Variants in ATP6V1A observed in about 807,000 individuals in gnomAD.
The protein encoded by ATP6V1A is ATPase H+ transporting V1 subunit A.
ATP6V1A carries 18 observed loss-of-function variants against 70.1 expected under a neutral mutation model. That is an observed-to-expected ratio of 0.26 (90% confidence interval 0.18 to 0.38). The LOEUF (loss-of-function observed/expected upper bound fraction) is 0.38. Among genes scored for constraint, ATP6V1A ranks in the 10% least tolerant of loss-of-function variants. The pLI is 1.00. For synonymous variants in ATP6V1A, 232 were observed against 253.8 expected (o/e 0.91, Z 0.82); for missense variants, 424 against 772.4 (o/e 0.55, Z 5.35).
Position 113,762,564 on chromosome 3 carries a change from A to G in ATP6V1A, c.-14+15451A>G, listed in dbSNP as rs149613721. 5.9e-5 allele frequency among the ~76,000 whole-genome samples: 9 copies of G among 152,046 alleles called. No homozygotes were observed. The East Asian group carries it at 1.4e-3, about 23-fold the overall frequency. On this transcript the variant is annotated intron_variant, in intron 1 of 14. Transcript: ENST00000273398. ...TCCTAGGCAACAAGAGCAAAACTCC[A>G]TCTCAAAAAAAAAAATGGTAAAGTC...
intron 7 of ATP6V1A, among the ~76,000 whole-genome samples, chr3:113,789,205 G>A (rs749845437): frequency 1.3e-5 from 2 of 151,872 alleles, no homozygotes; most frequent in Non-Finnish European, 2.9e-5. Context: ...ATGCCACCAC[G>A]CCCAGCTGAT....
chr3:113,757,759 G>A (rs1454263722), intron 1 of ATP6V1A, among the ~76,000 whole-genome samples: 1 of 152,162 alleles, frequency 6.6e-6, no homozygotes, highest in South Asian at 2.1e-4. Flanking sequence ...CAAAAAACTG[G>A]TTTGGCTAAG....
At chr3:113,797,317 A>G (rs1015104254) in intron 11 of ATP6V1A, among the ~76,000 whole-genome samples, 1 of 149,860 alleles carries the variant, frequency 6.7e-6, no homozygotes, top group Non-Finnish European at 1.5e-5. Flanking sequence ...CAGTGGCGTG[A>G]TCTCAGCTCA....
intron 1 of ATP6V1A, among the ~76,000 whole-genome samples, chr3:113,763,179 G>T (rs1042457278): frequency 7.2e-5 from 11 of 151,982 alleles, no homozygotes; most frequent in Admixed American, 2.6e-4. Flanking sequence ...TGCAGCCTCC[G>T]CTTCCTGGGT....
intron 13 of ATP6V1A, 147 bp downstream of exon 13, chr3:113,803,824 C>T (rs1475833495): frequency 5.1e-6 from 3 of 589,526 alleles, no homozygotes; most frequent in Non-Finnish European, 9.0e-6. Context: ...TTGTAGTAGA[C>T]ATGATCTAAT....
At chr3:113,761,502 C>T (rs1301049609) in intron 1 of ATP6V1A, among the ~76,000 whole-genome samples, 2 of 151,862 alleles carry the variant, frequency 1.3e-5, no homozygotes, top group African/African-American at 2.4e-5. Flanking sequence ...TTTGGGAGGC[C>T]GAGGTGGGTA....
intron 10 of ATP6V1A, 30 bp from the exon 11 acceptor site, chr3:113,795,846 T>C: frequency 6.4e-7 from 1 of 1,568,376 alleles, no homozygotes; most frequent in Non-Finnish European, 8.7e-7. Context: ...ACCATTTTTT[T>C]TGTAATGACC....
At chr3:113,780,066 G>A (rs1014419740) in intron 2 of ATP6V1A, among the ~76,000 whole-genome samples, 7 of 152,054 alleles carry the variant, frequency 4.6e-5, no homozygotes, top group Non-Finnish European at 8.8e-5. Flanking sequence ...TAAGGTAATG[G>A]AACAATGGCA....
chr3:113,795,825 C>A, intron 10 of ATP6V1A, 51 bp from the exon 11 acceptor site: 1 of 1,384,406 alleles, frequency 7.2e-7, no homozygotes, highest in Non-Finnish European at 1.0e-6. Flanking sequence ...TTTTCATAAG[C>A]ATTTCTAATG....
intron 1 of ATP6V1A, among the ~76,000 whole-genome samples, chr3:113,758,369 G>T (rs946683323): frequency 2.0e-5 from 3 of 152,124 alleles, no homozygotes; most frequent in Non-Finnish European, 4.4e-5. Flanking sequence ...AATCAATATA[G>T]TGAACATATC....
intron 8 of ATP6V1A, among the ~76,000 whole-genome samples, chr3:113,792,053 A>G (rs1001489563): frequency 1.3e-5 from 2 of 152,114 alleles, no homozygotes; most frequent in African/African-American, 4.8e-5. Context: ...CTAGTTTTTA[A>G]TGACTAAATT....
intron 1 of ATP6V1A, among the ~76,000 whole-genome samples, chr3:113,764,322 G>T (rs933859987): frequency 6.6e-6 from 1 of 152,154 alleles, no homozygotes; most frequent in Non-Finnish European, 1.5e-5. Context: ...GAGAGTTATT[G>T]TTGTTAGGTA....
In ATP6V1A at chr3:113,809,524, T is replaced by TA; in HGVS notation, c.*97_*98insA. On this transcript the variant is annotated 3_prime_UTR_variant, in exon 15 of 15. Transcript: ENST00000273398. Reference sequence around the variant, plus strand: ...TCATCTCAAACCCTTTGCTTCTTTATTGTGCAGCTTTGAGACTAGTGCCTA... The same window carrying TA: ...TCATCTCAAACCCTTTGCTTCTTTATATGTGCAGCTTTGAGACTAGTGCCTA... The TA allele has an allele frequency of 9.1e-7, 1 of 1,103,212 alleles. No individual in the cohort carries two copies. The highest frequency in any genetic ancestry group is 1.4e-5 in the South Asian group (1 of 69,688). 68.3% of individuals were successfully genotyped at this position (1,103,212 alleles called of 1,614,324 possible).
chr3:113,798,464 A>T lies in ATP6V1A; in HGVS notation c.1494+18A>T, dbSNP rs1709176894. On this transcript the variant is annotated intron_variant, in intron 12 of 14. Coordinates refer to ENST00000273398, the MANE Select transcript of ATP6V1A (RefSeq NM_001690.4). ...TGGGAAAGGTGAGTTGTTAAATTCCATGGAAGATAGATCTGTGGGTTACAC... is the reference window on the plus strand; with the variant it reads ...TGGGAAAGGTGAGTTGTTAAATTCCTTGGAAGATAGATCTGTGGGTTACAC... 6.2e-7 allele frequency: 1 copy of T among 1,612,448 alleles called. No individual in the cohort carries two copies. The highest frequency in any genetic ancestry group is 8.5e-7 in the Non-Finnish European group (1 of 1,179,086).
intron 1 of ATP6V1A, among the ~76,000 whole-genome samples, chr3:113,753,379 G>A (rs1361488091): frequency 6.6e-6 from 1 of 152,126 alleles, no homozygotes; most frequent in Admixed American, 6.6e-5. Context: ...AAACAATCAA[G>A]CAACATCAGT....
chr3:113,763,300 G>A (rs1345137018), intron 1 of ATP6V1A, among the ~76,000 whole-genome samples: 2 of 152,148 alleles, frequency 1.3e-5, no homozygotes, highest in African/African-American at 4.8e-5. Context: ...TGTTAGCCAG[G>A]ATGGTCTCGA....
rs1183298151 is a variant in ATP6V1A at position 113,811,023 on chromosome 3, A to T, written c.*1596A>T. ...TATCCGTCTTTTAAGTATATGTTTAAAATAATAATTTATGTGTCTGCATAT... is the reference window on the plus strand; with the variant it reads ...TATCCGTCTTTTAAGTATATGTTTATAATAATAATTTATGTGTCTGCATAT... On this transcript the variant is annotated 3_prime_UTR_variant, in exon 15 of 15. Transcript: ENST00000273398. 1 of 152,206 alleles carries T rather than the reference A, an allele frequency of 6.6e-6. No homozygotes were observed. Among genetic ancestry groups the T allele is most frequent in the Non-Finnish European group, 1.5e-5 (1 of 68,026 alleles). The allele number at this position is 152,206 out of a possible 1,614,324, so 9.4% of individuals were successfully genotyped here. A position where few individuals can be genotyped will look rare whatever the true frequency, so the allele number is the denominator to read the frequency against.
intron 1 of ATP6V1A, among the ~76,000 whole-genome samples, chr3:113,763,107 T>C (rs976375739): frequency 1.3e-5 from 2 of 152,174 alleles, no homozygotes; most frequent in African/African-American, 4.8e-5. Context: ...TCTTTTTTTT[T>C]TGAGGCAGAG....
chr3:113,789,992 G>A (rs1003630971), intron 8 of ATP6V1A, 152 bp downstream of exon 8: 12 of 588,000 alleles, frequency 2.0e-5, no homozygotes, highest in African/African-American at 9.5e-5. Context: ...TTACTTGGCC[G>A]GGAATGGTGA....
Sources: gnomAD v4.1 joint callset for allele counts (sites outside exome capture counted in the v4.1 genomes callset) on GRCh38, gnomAD v4.1.1 for gene constraint, MANE v1.5 for transcripts, NCBI Gene and HGNC (gene_info 2026-07-23, HGNC 2026-07-21) for gene names.